IFT74: variants seen among roughly 807,000 people sequenced by gnomAD.
IFT74 encodes the protein intraflagellar transport protein 74 homolog.
In IFT74, 92 loss-of-function variants were observed where a neutral mutation model predicts 96.7. The ratio of observed to expected loss-of-function variants is 0.95; its 90% CI spans 0.80 to 1.13. The LOEUF (loss-of-function observed/expected upper bound fraction) is 1.13. Ranked by LOEUF, IFT74 falls within the 50% of genes most tolerant of loss-of-function variation. The pLI is 0.00. For missense variants in IFT74, 811 were observed against 698.2 expected, an observed-to-expected ratio of 1.16 and a Z score of -1.82; for synonymous variants, 223 against 213.2, an observed-to-expected ratio of 1.05 and a Z score of -0.40.
intron 8 of IFT74, among the ~76,000 whole-genome samples, chr9:27,006,880 A>G (rs1173799411): frequency 1.7e-5 from 2 of 120,008 alleles, no homozygotes; most frequent in African/African-American, 6.7e-5. Flanking sequence ...TCTGTCACCC[A>G]GGCTGGAGTG....
intron 4 of IFT74, among the ~76,000 whole-genome samples, chr9:26,981,175 A>G (rs181173042): frequency 2.6e-4 from 40 of 152,282 alleles, no homozygotes; most frequent in Non-Finnish European, 4.4e-4. Flanking sequence ...TCTTAATACT[A>G]TTGCATTAGA....
intron 3 of IFT74, 43 bp downstream of exon 3, chr9:26,978,306 G>A (rs761268550): frequency 6.3e-7 from 1 of 1,587,180 alleles, no homozygotes; most frequent in South Asian, 1.2e-5. Flanking sequence ...CCTGTGTTTT[G>A]TAAGAAATAA....
intron 1 of IFT74, among the ~76,000 whole-genome samples, chr9:26,950,752 T>G (rs968461927): frequency 1.3e-5 from 2 of 152,224 alleles, no homozygotes; most frequent in African/African-American, 4.8e-5. Context: ...ACTGAACTGT[T>G]TAATACTTTA....
Position 27,016,958 on chromosome 9 carries a change from C to T in IFT74, c.841C>T (p.Leu281Phe), listed in dbSNP as rs1301375840. ...GGAGGCGGTATTGCTGCATGAAAAA[C>T]TTTATGAGTTGGAGTCCCATCGAGA... is the stretch of plus-strand genomic sequence containing the variant. ...KQEAVLLHEK[L>F]YELESHRDQM... The change falls in exon 11 of 20, where the codon CTT (leucine) becomes TTT (phenylalanine). Residue 281 changes from leucine (L) to phenylalanine (F), a missense_variant. Leu to Phe is a conservative substitution (Grantham distance 22, BLOSUM62 0). Transcript: ENST00000380062. 1 of 1,611,344 alleles carries T rather than the reference C, an allele frequency of 6.2e-7. No individual in the cohort carries two copies. The highest frequency in any genetic ancestry group is 1.7e-5 in the Admixed American group (1 of 59,634).
rs994958605 is a variant in IFT74, at chr9:27,066,045, T to C, written c.*3309T>C. ...TTGTGATCTCACCAGTCTTTTTAGATACGCATCTATATTTATGTCACACAT... is the reference window on the plus strand; with the variant it reads ...TTGTGATCTCACCAGTCTTTTTAGACACGCATCTATATTTATGTCACACAT... On this transcript the variant is annotated 3_prime_UTR_variant, in exon 20 of 20. Coordinates refer to ENST00000380062, the MANE Select transcript of IFT74 (RefSeq NM_025103.4). Among the ~76,000 whole-genome samples the C allele has an allele frequency of 1.3e-5, 2 of 152,210 alleles. No individual in the cohort carries two copies. Among genetic ancestry groups the C allele is most frequent in the Admixed American group, 1.3e-4 (2 of 15,290 alleles).
intron 2 of IFT74, among the ~76,000 whole-genome samples, chr9:26,966,466 A>G (rs779472251): frequency 6.6e-6 from 1 of 152,042 alleles, no homozygotes; most frequent in Non-Finnish European, 1.5e-5. Context: ...TGACGTTTGT[A>G]TATCTTCTTT....
intron 8 of IFT74, chr9:26,994,564 A>G (rs1335779639): frequency 6.6e-6 from 1 of 152,090 alleles, no homozygotes; most frequent in Non-Finnish European, 1.5e-5. Flanking sequence ...AAAGAAAAAG[A>G]ATCTTGTTTC....
At position 27,062,668 on chromosome 9, in the gene IFT74, G is replaced by A. The variant is rs138591335; in HGVS notation, c.1735G>A (p.Val579Met). 13,708 of 1,610,142 alleles carry A rather than the reference G, an allele frequency of 8.5e-3. 92 individuals are homozygous for A. Among genetic ancestry groups the A allele is most frequent in the Non-Finnish European group, 0.01 (11,957 of 1,178,072 alleles). ...ESDYQPIKKNVTKQIAEYNKT... is the reference protein window; with the variant it reads ...ESDYQPIKKNMTKQIAEYNKT... ...TGATTACCAGCCAATTAAGAAAAAT[G>A]TGACCAAGCAGATTGCAGAGTACAA... Residue 579 changes from valine to methionine, a missense_variant, in exon 20 of 20, where the codon GTG becomes ATG. By Grantham distance (21) the Val-to-Met change is conservative. Transcript: ENST00000380062.
In IFT74 at chr9:27,014,193, C is replaced by T. The variant is rs545150694; in HGVS notation, c.789+2225C>T. 6.6e-4 allele frequency among the ~76,000 whole-genome samples: 100 copies of T among 152,064 alleles called. No homozygotes were observed. The South Asian group carries it at 0.015, about 22-fold the overall frequency. Reference sequence around the variant, plus strand: ...TCACGCCACTGCACTCCAGCCTGGGCGACGGAGCAAGATTCTGTCTAAAAA... The same window carrying T: ...TCACGCCACTGCACTCCAGCCTGGGTGACGGAGCAAGATTCTGTCTAAAAA... On this transcript the variant is annotated intron_variant, in intron 10 of 19. Transcript: ENST00000380062.
At chr9:27,031,761 TA>T (rs1405113659) in intron 13 of IFT74, among the ~76,000 whole-genome samples, 1 of 146,220 alleles carries the variant, frequency 6.8e-6, no homozygotes, top group African/African-American at 2.5e-5. Context: ...TAAAATAAAA[TA>T]AAATAAAATA....
intron 11 of IFT74, among the ~76,000 whole-genome samples, 178 bp downstream of exon 11, chr9:27,017,228 T>A (rs921416763): frequency 1.3e-5 from 2 of 152,060 alleles, no homozygotes; most frequent in African/African-American, 4.8e-5. Flanking sequence ...TTATTATTAT[T>A]ATTATTATTT....
intron 2 of IFT74, among the ~76,000 whole-genome samples, chr9:26,970,030 G>T (rs1241187957): frequency 6.6e-6 from 1 of 150,838 alleles, no homozygotes; most frequent in Non-Finnish European, 1.5e-5. Flanking sequence ...ATTTGTTGTT[G>T]TTTTTTTTAA....
In IFT74 at chr9:27,044,791, G is replaced by A. The variant is rs1288102281; in HGVS notation, c.1104G>A (p.Met368Ile). ...YKELKKREEH[M>I]DTFIETFEET... The stretch of plus-strand genomic sequence containing the variant: ...AGCTAAAGAAAAGGGAGGAACATAT[G>A]GACAGTAAGTGATATTCTTGTAGAT... The change falls in exon 14 of 20, where the codon ATG (methionine) becomes ATA (isoleucine). Residue 368 changes from methionine to isoleucine, a missense_variant. By Grantham distance (10) the Met-to-Ile change is conservative. Coordinates refer to ENST00000380062, the MANE Select transcript of IFT74 (RefSeq NM_025103.4). The A allele has an allele frequency of 2.0e-6, 3 of 1,513,538 alleles. No individual in the cohort carries two copies. Among genetic ancestry groups the A allele is most frequent in the East Asian group, 2.3e-5 (1 of 44,014 alleles). The allele number at this position is 1,513,538 out of a possible 1,614,324, so 93.8% of individuals were successfully genotyped here.
chr9:27,016,486 C>G (rs1829349169), intron 10 of IFT74, among the ~76,000 whole-genome samples: 1 of 152,152 alleles, frequency 6.6e-6, no homozygotes, highest in Non-Finnish European at 1.5e-5. Flanking sequence ...ATTCAACCCA[C>G]AAAATTGTGG....
At chr9:27,017,860 C>G (rs1829421926) in intron 11 of IFT74, among the ~76,000 whole-genome samples, 1 of 152,110 alleles carries the variant, frequency 6.6e-6, no homozygotes, top group Admixed American at 6.6e-5. Flanking sequence ...TGTTGTTTAT[C>G]CTGACACATC....
At chr9:27,033,533 C>T (rs1336374952) in intron 13 of IFT74, among the ~76,000 whole-genome samples, 1 of 147,024 alleles carries the variant, frequency 6.8e-6, no homozygotes, top group Non-Finnish European at 1.5e-5. Context: ...AAAATCATGC[C>T]ACTGCACTTC....
intron 10 of IFT74, among the ~76,000 whole-genome samples, chr9:27,012,545 C>G (rs1829135469): frequency 6.6e-6 from 1 of 151,992 alleles, no homozygotes; most frequent in South Asian, 2.1e-4. Context: ...GACACATACA[C>G]AAGAGATTAT....
intron 16 of IFT74, among the ~76,000 whole-genome samples, chr9:27,053,649 T>C (rs560516116): frequency 2.2e-4 from 33 of 152,344 alleles, no homozygotes; most frequent in African/African-American, 6.7e-4. Flanking sequence ...TAGCTTTTCA[T>C]TGCGGACCTG....
chr9:26,989,343 A>G (rs1054192625), intron 7 of IFT74, among the ~76,000 whole-genome samples: 17 of 152,190 alleles, frequency 1.1e-4, no homozygotes, highest in Admixed American at 7.2e-4. Flanking sequence ...AAACCTGCAC[A>G]TGTACCTCTG....
Sources: allele counts gnomAD v4.1 joint callset (sites outside exome capture counted in the v4.1 genomes callset), GRCh38; gene constraint gnomAD v4.1.1; transcripts MANE v1.5; gene names NCBI Gene and HGNC (gene_info 2026-07-23, HGNC 2026-07-21).